Variants in ANKS1B observed in about 807,000 individuals in gnomAD.
The protein encoded by ANKS1B is ankyrin repeat and sterile alpha motif domain-containing protein 1B.
In ANKS1B, 36 loss-of-function variants were observed where a neutral mutation model predicts 148.3. The observed-to-expected ratio is 0.24, with a 90% CI of 0.19 to 0.32. ANKS1B has a LOEUF of 0.32. ANKS1B is among the 10% of genes least tolerant of loss of function. The probability of loss-of-function intolerance (pLI) is 1.00; values close to 1 mark genes in which losing one functional copy is unlikely to be tolerated. For missense variants in ANKS1B, 1,157 were observed against 1,542.6 expected (o/e 0.75, Z 4.19); for synonymous variants, 542 against 560.8 (o/e 0.97, Z 0.47).
chr12:99,693,033 C>A (rs1198405146), intron 8 of ANKS1B, among the ~76,000 whole-genome samples: 1 of 152,028 alleles, frequency 6.6e-6, no homozygotes, highest in Non-Finnish European at 1.5e-5. Context: ...GTTTTCTGTG[C>A]CTAATCCCTG....
chr12:99,616,627 T>C (rs1389680751), intron 9 of ANKS1B, among the ~76,000 whole-genome samples: 3 of 152,158 alleles, frequency 2.0e-5, no homozygotes, highest in Non-Finnish European at 1.5e-5. Flanking sequence ...TTACATCTTA[T>C]ACAAAAATTA....
intron 1 of ANKS1B, among the ~76,000 whole-genome samples, chr12:99,882,024 T>A (rs2092536431): frequency 1.3e-5 from 2 of 152,140 alleles, no homozygotes; most frequent in South Asian, 4.1e-4. Flanking sequence ...AAAGCAGCTA[T>A]TAAAAACACT....
At chr12:98,992,079 A>T (rs2153283509) in intron 17 of ANKS1B, among the ~76,000 whole-genome samples, 1 of 152,270 alleles carries the variant, frequency 6.6e-6, no homozygotes, top group Admixed American at 6.5e-5. Flanking sequence ...ATGGTCTTAA[A>T]CTGATGGATA....
At chr12:99,250,911 T>C (rs2074501229) in intron 12 of ANKS1B, among the ~76,000 whole-genome samples, 1 of 152,160 alleles carries the variant, frequency 6.6e-6, no homozygotes, top group African/African-American at 2.4e-5. Flanking sequence ...AAACAACAGA[T>C]ATTTATTTCT....
chr12:99,045,758 T>C (rs764920227), intron 17 of ANKS1B, among the ~76,000 whole-genome samples: 3 of 152,160 alleles, frequency 2.0e-5, no homozygotes, highest in Non-Finnish European at 2.9e-5. Context: ...CAGTGATCCC[T>C]GAGAGATGGA....
At chr12:99,689,028 A>T (rs990835233) in intron 8 of ANKS1B, among the ~76,000 whole-genome samples, 2 of 152,182 alleles carry the variant, frequency 1.3e-5, no homozygotes, top group African/African-American at 4.8e-5. Flanking sequence ...AATCATCTCA[A>T]TTCAAATTTT....
chr12:99,428,683 A>G (rs2152741395), intron 11 of ANKS1B, among the ~76,000 whole-genome samples: 1 of 152,292 alleles, frequency 6.6e-6, no homozygotes, highest in Admixed American at 6.5e-5. Flanking sequence ...ATGCTTATAT[A>G]CAAATATTCT....
rs760138490 is a variant in ANKS1B at position 99,586,428 on chromosome 12, C to A, written c.1272+68639G>T. Among the ~76,000 whole-genome samples, 28 of 152,196 alleles carry A rather than the reference C, an allele frequency of 1.8e-4. 1 individual carries two copies. Among genetic ancestry groups the A allele is most frequent in the Admixed American group, 3.3e-4 (5 of 15,290 alleles). On this transcript the variant is annotated intron_variant, in intron 9 of 26. Coordinates refer to ENST00000683438, the MANE Select transcript of ANKS1B (RefSeq NM_001352186.2). Reference sequence around the variant, plus strand: ...CAGCATTTTGGTCAGAGCCATTCAACAAGTCTCTAGAAAGTTCCAAGCTTT... The same window carrying A: ...CAGCATTTTGGTCAGAGCCATTCAAAAAGTCTCTAGAAAGTTCCAAGCTTT...
intron 12 of ANKS1B, among the ~76,000 whole-genome samples, chr12:99,274,212 C>T (rs2077405232): frequency 1.3e-5 from 2 of 152,088 alleles, no homozygotes; most frequent in Non-Finnish European, 2.9e-5. Flanking sequence ...TGAACTCTGA[C>T]CCAGAGCTAT....
At chr12:98,783,554 GTCTT>G (rs1280451221) in intron 22 of ANKS1B, among the ~76,000 whole-genome samples, 2 of 152,190 alleles carry the variant, frequency 1.3e-5, no homozygotes, top group African/African-American at 4.8e-5. Flanking sequence ...AGTGGGGCCA[GTCTT>G]CATTCATTCA....
At chr12:98,786,934 A>G (rs1010784016) in intron 22 of ANKS1B, among the ~76,000 whole-genome samples, 1 of 152,198 alleles carries the variant, frequency 6.6e-6, no homozygotes, top group Non-Finnish European at 1.5e-5. Context: ...AACTTACAGT[A>G]TATTTTTAAC....
chr12:99,595,241 GT>G (rs1200454005), intron 9 of ANKS1B, among the ~76,000 whole-genome samples: 4 of 151,742 alleles, frequency 2.6e-5, no homozygotes. Context: ...ATTTTAAGAG[GT>G]CCCTAAACCT....
intron 10 of ANKS1B, among the ~76,000 whole-genome samples, chr12:99,453,152 T>C (rs1341210352): frequency 3.3e-5 from 5 of 151,838 alleles, no homozygotes; most frequent in Non-Finnish European, 7.4e-5. Context: ...TAGCCAGGCG[T>C]GGTGGTGGGT....
chr12:98,958,344 C>T (rs1476520866), intron 17 of ANKS1B, among the ~76,000 whole-genome samples: 1 of 152,230 alleles, frequency 6.6e-6, no homozygotes, highest in Non-Finnish European at 1.5e-5. Context: ...TACTTACTTA[C>T]AGTCAGCACA....
intron 9 of ANKS1B, among the ~76,000 whole-genome samples, chr12:99,590,258 C>CCACACACACACACACACA (rs374132496): frequency 7.5e-6 from 1 of 132,806 alleles, no homozygotes; most frequent in South Asian, 2.5e-4. Flanking sequence ...CCACACCCAC[C>CCACACACACACACACACA]CACACACACA....
At position 99,777,964 on chromosome 12, in the gene ANKS1B, C is replaced by T. The variant is rs1421196397; in HGVS notation, c.847+1907G>A. Among the ~76,000 whole-genome samples the T allele has an allele frequency of 2.0e-5, 3 of 151,690 alleles. No homozygotes were observed. In the East Asian group the frequency reaches 6.1e-4, roughly 31 times the overall value. On this transcript the variant is annotated intron_variant, in intron 6 of 26. Coordinates refer to ENST00000683438, the MANE Select transcript of ANKS1B (RefSeq NM_001352186.2). ...CTGTAATCCCAGCATTTTGGGAGGC[C>T]AAGGCGGGTGGCCCACAAAGTCAGG...
intron 15 of ANKS1B, among the ~76,000 whole-genome samples, chr12:99,134,007 C>T (rs2067055064): frequency 6.6e-6 from 1 of 152,156 alleles, no homozygotes; most frequent in African/African-American, 2.4e-5. Context: ...AGTTTCAGGG[C>T]TGGAATTTGA....
intron 17 of ANKS1B, among the ~76,000 whole-genome samples, chr12:98,952,319 C>G (rs1296414617): frequency 6.6e-6 from 1 of 152,222 alleles, no homozygotes; most frequent in Non-Finnish European, 1.5e-5. Flanking sequence ...GGCACTGGAA[C>G]CTTGGCCTCC....
At chr12:99,085,474 A>C (rs758712638) in intron 15 of ANKS1B, among the ~76,000 whole-genome samples, 1 of 152,218 alleles carries the variant, frequency 6.6e-6, no homozygotes, top group Non-Finnish European at 1.5e-5. Flanking sequence ...GATATGAATG[A>C]ATCATTTTTC....
Sources: gnomAD v4.1 joint callset for allele counts (sites outside exome capture counted in the v4.1 genomes callset) on GRCh38, gnomAD v4.1.1 for gene constraint, MANE v1.5 for transcripts, NCBI Gene and HGNC (gene_info 2026-07-23, HGNC 2026-07-21) for gene names.